MALL: variants seen among roughly 807,000 people sequenced by gnomAD.
MALL encodes the protein mal, T cell differentiation protein like, also known as MAL-like protein.
In MALL, 2 loss-of-function variants were observed where a neutral mutation model predicts 10.3. The ratio of observed to expected loss-of-function variants is 0.19; its 90% CI spans 0.08 to 0.61. The LOEUF (loss-of-function observed/expected upper bound fraction) is 0.61. MALL is among the 20% of genes least tolerant of loss of function. The pLI is 0.88. For missense variants in MALL, 39 were observed against 115.2 expected, an observed-to-expected ratio of 0.34 and a Z score of 3.03; for synonymous variants, 27 against 51.8, an observed-to-expected ratio of 0.52 and a Z score of 2.05.
intron 1 of MALL, among the ~76,000 whole-genome samples, chr2:110,111,075 A>G (rs1678793235): frequency 6.6e-6 from 1 of 152,184 alleles, no homozygotes; most frequent in Non-Finnish European, 1.5e-5. Context: ...ATCTTAATGT[A>G]ATAAAAGCCA....
chr2:110,111,420 C>T (rs1032089668), intron 1 of MALL, among the ~76,000 whole-genome samples: 5 of 152,058 alleles, frequency 3.3e-5, no homozygotes, highest in African/African-American at 7.2e-5. Context: ...TTTCTATACA[C>T]CAACAGCGAC....
At chr2:110,103,797 C>T (rs1319527750) in intron 1 of MALL, among the ~76,000 whole-genome samples, 1 of 152,140 alleles carries the variant, frequency 6.6e-6, no homozygotes, top group African/African-American at 2.4e-5. Context: ...GGTTCAGGGA[C>T]GGCTGCTCAT....
At chr2:110,113,498 G>A (rs1344827068) in intron 1 of MALL, among the ~76,000 whole-genome samples, 3 of 147,274 alleles carry the variant, frequency 2.0e-5, no homozygotes, top group Non-Finnish European at 3.0e-5. Flanking sequence ...TGGATGATGA[G>A]TGCACCAAAA....
chr2:110,091,446 TA>T (rs1157232928), intron 2 of MALL, among the ~76,000 whole-genome samples, 156 bp downstream of exon 2: 1 of 142,908 alleles, frequency 7.0e-6, no homozygotes, highest in African/African-American at 2.7e-5. Flanking sequence ...CGCTTGCAGA[TA>T]AATGTCTTCA....
chr2:110,100,721 C>T (rs1457683026), intron 1 of MALL, among the ~76,000 whole-genome samples: 2 of 152,182 alleles, frequency 1.3e-5, no homozygotes, highest in Non-Finnish European at 2.9e-5. Flanking sequence ...CAGCACTGTC[C>T]CATGGGTAGG....
intron 1 of MALL, among the ~76,000 whole-genome samples, chr2:110,113,427 C>A (rs1678847717): frequency 8.6e-6 from 1 of 116,924 alleles, no homozygotes; most frequent in Admixed American, 1.0e-4. Flanking sequence ...GACAGCGAGA[C>A]TCTGTCTCAA....
intron 1 of MALL, among the ~76,000 whole-genome samples, chr2:110,106,983 G>A (rs1678709969): frequency 6.7e-6 from 1 of 149,304 alleles, no homozygotes; most frequent in African/African-American, 2.5e-5. Flanking sequence ...TATACTGTGT[G>A]ATTTCATGTA....
intron 1 of MALL, chr2:110,097,663 G>A: frequency 2.5e-6 from 1 of 392,894 alleles, no homozygotes; most frequent in South Asian, 1.8e-5. Context: ...TGTGGCCAGG[G>A]CTCTGGGCTG....
intron 1 of MALL, among the ~76,000 whole-genome samples, chr2:110,105,143 A>G (rs1280244975): frequency 6.6e-6 from 1 of 152,214 alleles, no homozygotes; most frequent in Non-Finnish European, 1.5e-5. Flanking sequence ...TAACCTGCCC[A>G]GGGTCTCACA....
chr2:110,106,331 G>C (rs12104935), intron 1 of MALL, among the ~76,000 whole-genome samples: 1 of 151,744 alleles, frequency 6.6e-6, no homozygotes, highest in South Asian at 2.1e-4. Context: ...GTAATGGCAT[G>C]GTCAGCCCCC....
intron 1 of MALL, among the ~76,000 whole-genome samples, chr2:110,110,489 G>A (rs995467185): frequency 6.6e-6 from 1 of 151,950 alleles, no homozygotes; most frequent in African/African-American, 2.4e-5. Flanking sequence ...TAAATTCCTG[G>A]AAAAATACAA....
intron 1 of MALL, among the ~76,000 whole-genome samples, chr2:110,103,328 A>G (rs1678613551): frequency 6.6e-6 from 1 of 152,040 alleles, no homozygotes; most frequent in South Asian, 2.1e-4. Flanking sequence ...ACTGAGGGAC[A>G]GGCTGGTCTC....
chr2:110,112,034 A>G (rs1053601473), intron 1 of MALL, among the ~76,000 whole-genome samples: 4 of 152,164 alleles, frequency 2.6e-5, no homozygotes, highest in Non-Finnish European at 5.9e-5. Context: ...ACCCACATGT[A>G]GGGGATTGAA....
upstream of MALL, among the ~76,000 whole-genome samples, chr2:110,116,927 T>C (rs1324401485): frequency 6.6e-6 from 1 of 152,126 alleles, no homozygotes; most frequent in African/African-American, 2.4e-5. Context: ...TTGATCTCAT[T>C]AGCAGAAACG....
upstream of MALL, among the ~76,000 whole-genome samples, chr2:110,117,988 T>A (rs548326414): frequency 2.6e-5 from 4 of 152,132 alleles, no homozygotes; most frequent in African/African-American, 9.6e-5. Flanking sequence ...GGCTGACAGG[T>A]ACCAGAGGAA....
At chr2:110,110,899 C>A (rs997327732) in intron 1 of MALL, among the ~76,000 whole-genome samples, 3 of 152,068 alleles carry the variant, frequency 2.0e-5, no homozygotes, top group Non-Finnish European at 1.5e-5. Flanking sequence ...ACCAGAGATG[C>A]AAGGATGGTT....
At chr2:110,103,859 C>T (rs867984170) in intron 1 of MALL, among the ~76,000 whole-genome samples, 1 of 152,086 alleles carries the variant, frequency 6.6e-6, no homozygotes, top group South Asian at 2.1e-4. Flanking sequence ...CAGACAGGGG[C>T]CGGAGTGGCC....
At chr2:110,114,388 A>G (rs1678865920) in intron 1 of MALL, among the ~76,000 whole-genome samples, 1 of 151,942 alleles carries the variant, frequency 6.6e-6, no homozygotes, top group African/African-American at 2.4e-5. Context: ...CAGGACTGAC[A>G]TGAACCACAG....
intron 1 of MALL, among the ~76,000 whole-genome samples, chr2:110,107,486 C>A (rs927172383): frequency 6.6e-6 from 1 of 152,144 alleles, no homozygotes; most frequent in Admixed American, 6.5e-5. Context: ...AAGTGCACAA[C>A]TCCAGTAACT....
Sources: gnomAD v4.1 joint callset for allele counts (sites outside exome capture counted in the v4.1 genomes callset) on GRCh38, gnomAD v4.1.1 for gene constraint, MANE v1.5 for transcripts, NCBI Gene and HGNC (gene_info 2026-07-23, HGNC 2026-07-21) for gene names.